The following GALNTL6 variants were observed in gnomAD, a reference collection of about 807,000 sequenced individuals.
The protein encoded by GALNTL6 is polypeptide N-acetylgalactosaminyltransferase like 6.
Under a neutral mutation model 73.7 loss-of-function variants are expected in GALNTL6, and 46 were observed. The observed-to-expected ratio is 0.62, with a 90% confidence interval of 0.49 to 0.80. The LOEUF (loss-of-function observed/expected upper bound fraction) is 0.80. GALNTL6 is among the 30% of genes least tolerant of loss of function. GALNTL6 has a pLI of 0.00. For synonymous variants in GALNTL6, 259 were observed against 263.7 expected (o/e 0.98, Z 0.17); for missense variants, 604 against 755.0 (o/e 0.80, Z 2.34).
At chr4:171,911,159 A>G (rs6815937) in intron 2 of GALNTL6, among the ~76,000 whole-genome samples, 2,006 of 152,112 alleles carry the variant, frequency 0.013, 49 homozygotes, top group African/African-American at 0.046. Flanking sequence ...TTTTTTAAAA[A>G]TTTATTTTCT....
chr4:172,062,344 T>C (rs899589381), intron 2 of GALNTL6, among the ~76,000 whole-genome samples: 1 of 152,170 alleles, frequency 6.6e-6, no homozygotes, highest in African/African-American at 2.4e-5. Flanking sequence ...ACGAATCAAA[T>C]GTCTATCTGT....
At position 172,012,121 on chromosome 4, in the gene GALNTL6, C is replaced by T. The variant is rs921520324; in HGVS notation, c.138+197403C>T. ...ATTCCTAAGCTGTAAAACTGCCACG[C>T]ATTTAGGGCCATAAAGGCTACTGCT... On this transcript the variant is annotated intron_variant, in intron 2 of 12. Transcript: ENST00000506823. 1.2e-3 allele frequency among the ~76,000 whole-genome samples: 187 copies of T among 152,036 alleles called. 1 individual carries two copies. Among genetic ancestry groups the T allele is most frequent in the Non-Finnish European group, 3.4e-4 (23 of 67,962 alleles).
At chr4:172,033,648 T>C (rs976689389) in intron 2 of GALNTL6, among the ~76,000 whole-genome samples, 1 of 152,078 alleles carries the variant, frequency 6.6e-6, no homozygotes, top group African/African-American at 2.4e-5. Context: ...AAAAATCCAA[T>C]CATGATATGA....
chr4:172,125,535 T>C (rs1374968769), intron 2 of GALNTL6, among the ~76,000 whole-genome samples: 3 of 152,170 alleles, frequency 2.0e-5, no homozygotes, highest in African/African-American at 7.2e-5. Flanking sequence ...GACACACAAA[T>C]AATTCTCTTA....
chr4:172,616,679 G>A (rs1272578558), intron 5 of GALNTL6, among the ~76,000 whole-genome samples: 1 of 151,916 alleles, frequency 6.6e-6, no homozygotes, highest in Non-Finnish European at 1.5e-5. Context: ...TTGCAGGTAA[G>A]CAGCTCTGAA....
chr4:171,912,123 T>C (rs1737490802), intron 2 of GALNTL6, among the ~76,000 whole-genome samples: 1 of 152,156 alleles, frequency 6.6e-6, no homozygotes, highest in Non-Finnish European at 1.5e-5. Context: ...TGTTTATTAA[T>C]AGGACAATCA....
intron 5 of GALNTL6, among the ~76,000 whole-genome samples, chr4:172,602,951 T>C (rs1311329805): frequency 6.6e-6 from 1 of 152,182 alleles, no homozygotes; most frequent in Non-Finnish European, 1.5e-5. Flanking sequence ...AAAAAGATTA[T>C]GCCATTGTGC....
chr4:171,863,218 A>C (rs957650397), intron 2 of GALNTL6, among the ~76,000 whole-genome samples: 2 of 152,170 alleles, frequency 1.3e-5, no homozygotes, highest in Non-Finnish European at 2.9e-5. Context: ...ATGGTGATAA[A>C]TATGGAGGAT....
chr4:172,540,144 A>T (rs1250452378), intron 5 of GALNTL6, among the ~76,000 whole-genome samples: 1 of 147,306 alleles, frequency 6.8e-6, no homozygotes, highest in Admixed American at 7.0e-5. Flanking sequence ...TCTGCCTCCC[A>T]GGTTCAAGTG....
intron 7 of GALNTL6, among the ~76,000 whole-genome samples, chr4:172,863,109 G>T (rs1157006860): frequency 6.6e-6 from 1 of 152,238 alleles, no homozygotes; most frequent in Non-Finnish European, 1.5e-5. Context: ...GATTTCAGAG[G>T]GTGTATGGAA....
rs75470220 is a variant in GALNTL6 at position 171,871,618 on chromosome 4, G to T, written c.138+56900G>T. Among the ~76,000 whole-genome samples the T allele has an allele frequency of 7.2e-3, 1,095 of 152,146 alleles. 22 individuals are homozygous for T. The East Asian group carries it at 0.076, about 11-fold the overall frequency. ...AAATAGGAAGAAGTTAAGCAAAAAT[G>T]TATAATGAATGTAAGAAAGCAATGG... is the stretch of plus-strand genomic sequence containing the variant. On this transcript the variant is annotated intron_variant, in intron 2 of 12. Coordinates refer to ENST00000506823, the MANE Select transcript of GALNTL6 (RefSeq NM_001034845.3).
chr4:171,966,922 G>A (rs7687978), intron 2 of GALNTL6, among the ~76,000 whole-genome samples: 27,576 of 151,962 alleles, frequency 0.18, 2,589 homozygotes, highest in South Asian at 0.26. Flanking sequence ...AAGCAATCTT[G>A]AGAAATTATT....
At chr4:172,173,934 G>C (rs1323277716) in intron 2 of GALNTL6, among the ~76,000 whole-genome samples, 2 of 152,028 alleles carry the variant, frequency 1.3e-5, no homozygotes, top group East Asian at 1.9e-4. Context: ...GAGAAGAGGG[G>C]TGCCAGTGGA....
chr4:171,874,715 A>T (rs1257833595), intron 2 of GALNTL6, among the ~76,000 whole-genome samples: 2 of 152,170 alleles, frequency 1.3e-5, no homozygotes, highest in Admixed American at 6.6e-5. Context: ...TGAGACCTAA[A>T]ATACTGTGAT....
chr4:172,622,304 A>G (rs1738994176), intron 5 of GALNTL6, among the ~76,000 whole-genome samples: 1 of 152,210 alleles, frequency 6.6e-6, no homozygotes, highest in Non-Finnish European at 1.5e-5. Flanking sequence ...ATCTCATTTG[A>G]TGCCCAACAC....
At chr4:172,740,087 C>A (rs968897650) in intron 5 of GALNTL6, among the ~76,000 whole-genome samples, 1 of 151,884 alleles carries the variant, frequency 6.6e-6, no homozygotes, top group Non-Finnish European at 1.5e-5. Context: ...CATCTCGTAC[C>A]GTGTTTTCTG....
intron 4 of GALNTL6, among the ~76,000 whole-genome samples, chr4:172,331,629 G>A (rs555558094): frequency 6.6e-6 from 1 of 152,228 alleles, no homozygotes; most frequent in East Asian, 1.9e-4. Context: ...AAATCATGCA[G>A]TATTTATTTT....
chr4:171,846,258 C>G (rs562890919), intron 2 of GALNTL6, among the ~76,000 whole-genome samples: 1 of 152,280 alleles, frequency 6.6e-6, no homozygotes, highest in East Asian at 1.9e-4. Context: ...AAACCAGTAT[C>G]TGGAGGGCTT....
At chr4:172,875,603 C>A (rs1745153331) in intron 7 of GALNTL6, among the ~76,000 whole-genome samples, 1 of 152,028 alleles carries the variant, frequency 6.6e-6, no homozygotes, top group South Asian at 2.1e-4. Context: ...TGTTTACCAT[C>A]CACCTACTGA....
Sources: gnomAD v4.1 joint callset for allele counts (sites outside exome capture counted in the v4.1 genomes callset) on GRCh38, gnomAD v4.1.1 for gene constraint, MANE v1.5 for transcripts, NCBI Gene and HGNC (gene_info 2026-07-23, HGNC 2026-07-21) for gene names.